ATM: variants seen among roughly 807,000 people sequenced by gnomAD.
The protein encoded by ATM is serine-protein kinase ATM.
Under a neutral mutation model 387.0 loss-of-function variants are expected in ATM, and 308 were observed. That is an observed-to-expected ratio of 0.80 (90% CI 0.73 to 0.87). The LOEUF is 0.87. Ranked by LOEUF, ATM falls within the 40% of genes least tolerant of loss-of-function variation. The pLI is 0.00. For missense variants in ATM, 3,312 were observed against 3,560.9 expected (o/e 0.93, Z 1.78); for synonymous variants, 1,156 against 1,187.3 (o/e 0.97, Z 0.54).
intron 56 of ATM, among the ~76,000 whole-genome samples, chr11:108,338,420 C>T (rs1169906938): frequency 5.3e-5 from 8 of 152,106 alleles, no homozygotes; most frequent in Non-Finnish European, 1.2e-4. Context: ...TTTGAGAGGC[C>T]AAGGCAGGAG....
At chr11:108,250,594 G>A (rs2135311579) in intron 9 of ATM, 107 bp from the exon 10 acceptor site, 1 of 1,210,936 alleles carries the variant, frequency 8.3e-7, no homozygotes, top group Non-Finnish European at 1.2e-6. Context: ...GGAAATGATG[G>A]TGATTCTCTA....
chr11:108,331,692 A>T (rs1022309456), intron 51 of ATM, 135 bp downstream of exon 51: 15 of 1,335,220 alleles, frequency 1.1e-5, no homozygotes, highest in Admixed American at 2.7e-5. Flanking sequence ...CTCACATCAC[A>T]TAAGTTACTC....
intron 5 of ATM, among the ~76,000 whole-genome samples, chr11:108,239,005 C>A (rs1184164517): frequency 6.6e-6 from 1 of 152,112 alleles, no homozygotes; most frequent in African/African-American, 2.4e-5. Flanking sequence ...CTTTCTCTCT[C>A]TATGAATTTG....
intron 45 of ATM, among the ~76,000 whole-genome samples, chr11:108,324,056 G>GA (rs10708230): frequency 6.6e-6 from 1 of 151,952 alleles, no homozygotes; most frequent in African/African-American, 2.4e-5. Context: ...AAAAATATTT[G>GA]AAAAAAAAAT....
chr11:108,299,960 A>G (rs2135895005), intron 34 of ATM, 75 bp downstream of exon 34: 2 of 1,380,046 alleles, frequency 1.4e-6, no homozygotes, highest in Non-Finnish European at 1.0e-6. Context: ...ACAAATAGAT[A>G]TTCTCAGTAA....
chr11:108,331,763 G>A (rs1214565954), intron 51 of ATM, 116 bp from the exon 52 acceptor site: 20 of 1,334,222 alleles, frequency 1.5e-5, no homozygotes, highest in African/African-American at 2.9e-5. Context: ...AGGCATACAC[G>A]CTCTACCCAC....
intron 56 of ATM, among the ~76,000 whole-genome samples, chr11:108,342,659 T>C (rs2087730835): frequency 2.0e-5 from 3 of 152,310 alleles, no homozygotes; most frequent in Admixed American, 2.0e-4. Context: ...TCTGTTAATA[T>C]CATTTTCTAT....
intron 47 of ATM, chr11:108,327,393 C>G (rs534110415): frequency 2.3e-6 from 1 of 429,370 alleles, no homozygotes; most frequent in Non-Finnish European, 4.3e-6. Context: ...TACAAAGTGT[C>G]TGACATATAT....
intron 16 of ATM, among the ~76,000 whole-genome samples, chr11:108,265,232 A>C (rs1244921839): frequency 6.6e-6 from 1 of 152,114 alleles, no homozygotes; most frequent in East Asian, 1.9e-4. Context: ...ACTTCAAACT[A>C]TACTACAAGG....
chr11:108,309,122 A>G, intron 38 of ATM: 1 of 1,025,704 alleles, frequency 9.7e-7, no homozygotes, highest in South Asian at 1.4e-5. Flanking sequence ...ACATGCATTC[A>G]AGTCCAAGCT....
At chr11:108,318,200 A>G (rs2084913860) in intron 43 of ATM, among the ~76,000 whole-genome samples, 1 of 151,920 alleles carries the variant, frequency 6.6e-6, no homozygotes, top group Non-Finnish European at 1.5e-5. Flanking sequence ...TTTCTCTACT[A>G]AAATACAAAA....
In ATM at chr11:108,232,692, G is replaced by T. The variant is rs560349176; in HGVS notation, c.332-2978G>T. 9.9e-5 allele frequency among the ~76,000 whole-genome samples: 15 copies of T among 151,232 alleles called. No homozygotes were observed. In the East Asian group the frequency reaches 1.6e-3, roughly 16 times the overall value. ...GTAGCTGGGACTATAGGCACACGCC[G>T]CCAGGCCCGGTTAATTTTTGTATTT... is the stretch of plus-strand genomic sequence containing the variant. On this transcript the variant is annotated intron_variant, in intron 4 of 62. Coordinates refer to ENST00000675843, the MANE Select transcript of ATM (RefSeq NM_000051.4).
intron 4 of ATM, among the ~76,000 whole-genome samples, chr11:108,232,416 T>C (rs971313375): frequency 2.6e-5 from 4 of 152,082 alleles, no homozygotes; most frequent in African/African-American, 9.7e-5. Flanking sequence ...AACTTTGCCA[T>C]TCTTGCTTAG....
Position 108,272,775 on chromosome 11 carries a change from T to C in ATM, c.3207T>C (p.Pro1069=), listed in dbSNP as rs878853502. The C allele has an allele frequency of 6.2e-7, 1 of 1,614,140 alleles. No individual in the cohort carries two copies. The highest frequency in any genetic ancestry group is 8.5e-7 in the Non-Finnish European group (1 of 1,180,006). ...AILNVMGKDF[P]VNEVFTQFLA... Reference sequence around the variant, plus strand: ...TTAATGTAATGGGAAAAGACTTTCCTGTAAATGAAGTATTTACACAATTTC... The same window carrying C: ...TTAATGTAATGGGAAAAGACTTTCCCGTAAATGAAGTATTTACACAATTTC... The change falls in exon 22 of 63, where the codon CCT becomes CCC. Residue 1069 remains proline, a synonymous_variant. Coordinates refer to ENST00000675843, the MANE Select transcript of ATM (RefSeq NM_000051.4).
chr11:108,331,827 G>T (rs2136510868), intron 51 of ATM, 52 bp from the exon 52 acceptor site: 3 of 1,573,534 alleles, frequency 1.9e-6, no homozygotes, highest in Admixed American at 3.3e-5. Context: ...TGAAAAATAT[G>T]GATTATATTT....
intron 13 of ATM, among the ~76,000 whole-genome samples, chr11:108,254,738 C>T (rs2080367591): frequency 1.3e-5 from 2 of 152,112 alleles, no homozygotes; most frequent in South Asian, 4.1e-4. Context: ...CTGCAACCTC[C>T]GTCTTCCAGT....
chr11:108,227,751 A>G, intron 2 of ATM, 25 bp from the exon 3 acceptor site: 9 of 1,612,166 alleles, frequency 5.6e-6, no homozygotes, highest in Non-Finnish European at 7.6e-6. Context: ...TTAGTAACCC[A>G]TTATTATTTC....
chr11:108,252,746 A>G lies in ATM; in HGVS notation c.1803-71A>G, dbSNP rs912135939. The G allele has an allele frequency of 2.4e-5, 25 of 1,027,008 alleles. No individual in the cohort carries two copies. In the African/African-American group the frequency reaches 2.5e-4, roughly 10 times the overall value. The allele number at this position is 1,027,008 out of a possible 1,614,324, so 63.6% of individuals were successfully genotyped here. A position where few individuals can be genotyped will look rare whatever the true frequency, so the allele number is the denominator to read the frequency against. Reference sequence around the variant, plus strand: ...AGTCAAGATTTATAGCTAAACATGGATGTTAAAGTTTAAAGTATTCTTTAC... The same window carrying G: ...AGTCAAGATTTATAGCTAAACATGGGTGTTAAAGTTTAAAGTATTCTTTAC... On this transcript the variant is annotated intron_variant, in intron 11 of 62. Transcript: ENST00000675843.
At chr11:108,301,204 GA>G (rs1340388952) in intron 34 of ATM, among the ~76,000 whole-genome samples, 59 of 152,106 alleles carry the variant, frequency 3.9e-4, no homozygotes, top group Non-Finnish European at 5.9e-5. Context: ...CAGATGCACA[GA>G]AATATTAGTG....
Sources: gnomAD v4.1 joint callset for allele counts (sites outside exome capture counted in the v4.1 genomes callset) on GRCh38, gnomAD v4.1.1 for gene constraint, MANE v1.5 for transcripts, NCBI Gene and HGNC (gene_info 2026-07-23, HGNC 2026-07-21) for gene names.